The following CDH18 variants were observed in gnomAD, a reference collection of about 807,000 sequenced individuals.
The protein encoded by CDH18 is cadherin 18.
Under a neutral mutation model 67.9 loss-of-function variants are expected in CDH18, and 31 were observed. That is an observed-to-expected ratio of 0.46 (90% CI 0.34 to 0.62). The LOEUF (loss-of-function observed/expected upper bound fraction) is 0.62, where lower values mean the gene tolerates loss of function less well. Among genes scored for constraint, CDH18 ranks in the 20% least tolerant of loss-of-function variants. The pLI, the probability that CDH18 is intolerant of heterozygous loss-of-function variation, is 0.01. For missense variants in CDH18, 890 were observed against 975.5 expected, an observed-to-expected ratio of 0.91 and a Z score of 1.17; for synonymous variants, 362 against 347.2, an observed-to-expected ratio of 1.04 and a Z score of -0.48.
chr5:19,798,398 TA>T, intron 3 of CDH18, among the ~76,000 whole-genome samples: 1 of 152,034 alleles, frequency 6.6e-6, no homozygotes, highest in East Asian at 1.9e-4. Flanking sequence ...AAATCTTCAT[TA>T]AAAAATTATG....
chr5:19,605,028 C>T (rs1747800237), intron 6 of CDH18, among the ~76,000 whole-genome samples: 1 of 151,802 alleles, frequency 6.6e-6, no homozygotes. Context: ...CTATAAGAAT[C>T]AAATTATTTC....
At chr5:19,800,975 C>T (rs1357526904) in intron 3 of CDH18, among the ~76,000 whole-genome samples, 4 of 151,892 alleles carry the variant, frequency 2.6e-5, no homozygotes, top group Admixed American at 6.6e-5. Context: ...AAAAATTAGC[C>T]GGTGTGGCAG....
chr5:19,872,681 T>G (rs1786457648), intron 2 of CDH18, among the ~76,000 whole-genome samples: 1 of 152,226 alleles, frequency 6.6e-6, no homozygotes, highest in African/African-American at 2.4e-5. Flanking sequence ...CCTTGTGAGA[T>G]CCTGAGCAGA....
intron 2 of CDH18, among the ~76,000 whole-genome samples, chr5:20,085,909 A>T (rs937115935): frequency 6.6e-6 from 1 of 152,200 alleles, no homozygotes; most frequent in South Asian, 2.1e-4. Context: ...GCCTCTTAGC[A>T]TTCAAATAAA....
intron 2 of CDH18, among the ~76,000 whole-genome samples, chr5:20,024,357 A>T (rs1397870854): frequency 6.6e-6 from 1 of 152,170 alleles, no homozygotes; most frequent in Admixed American, 6.5e-5. Flanking sequence ...TAAAATAAAT[A>T]ATAGACAAAG....
intron 6 of CDH18, among the ~76,000 whole-genome samples, chr5:19,601,855 T>G (rs1747187653): frequency 6.6e-6 from 1 of 152,004 alleles, no homozygotes; most frequent in East Asian, 1.9e-4. Flanking sequence ...AATCACAAGG[T>G]CATGTCAATT....
chr5:20,449,450 A>G (rs1012953164), intron 1 of CDH18, among the ~76,000 whole-genome samples: 1 of 152,094 alleles, frequency 6.6e-6, no homozygotes, highest in Non-Finnish European at 1.5e-5. Flanking sequence ...ATGATGTATA[A>G]ATTTAATAAA....
chr5:20,044,484 A>C (rs1355754948), intron 2 of CDH18, among the ~76,000 whole-genome samples: 1 of 152,166 alleles, frequency 6.6e-6, no homozygotes, highest in African/African-American at 2.4e-5. Flanking sequence ...CAGTTCTACT[A>C]TGCTAATTTT....
At chr5:20,520,723 G>A (rs1755695395) in intron 1 of CDH18, among the ~76,000 whole-genome samples, 1 of 152,192 alleles carries the variant, frequency 6.6e-6, no homozygotes, top group Non-Finnish European at 1.5e-5. Context: ...AGATCATAAA[G>A]TAGCAGTTTA....
intron 5 of CDH18, among the ~76,000 whole-genome samples, chr5:19,703,391 A>G (rs1045187887): frequency 6.6e-6 from 1 of 152,108 alleles, no homozygotes; most frequent in African/African-American, 2.4e-5. Flanking sequence ...ACCTTTTCAC[A>G]ATGATGATGA....
intron 2 of CDH18, chr5:19,885,969 C>T (rs2150069660): frequency 6.6e-6 from 1 of 152,162 alleles, no homozygotes; most frequent in South Asian, 2.1e-4. Context: ...TGTGTGAGAC[C>T]AAAAAGTTTG....
At chr5:20,338,109 A>G (rs1223850217) in intron 1 of CDH18, among the ~76,000 whole-genome samples, 1 of 152,190 alleles carries the variant, frequency 6.6e-6, no homozygotes, top group Non-Finnish European at 1.5e-5. Context: ...TCCCTCCAAC[A>G]ATAGGTGGGA....
chr5:19,694,830 C>A (rs111919265), intron 5 of CDH18, among the ~76,000 whole-genome samples: 6 of 149,834 alleles, frequency 4.0e-5, no homozygotes, highest in South Asian at 2.1e-4. Context: ...GCTGAGACTG[C>A]GCCACTGTAC....
At chr5:19,824,443 A>G (rs1156330208) in intron 3 of CDH18, among the ~76,000 whole-genome samples, 1 of 152,160 alleles carries the variant, frequency 6.6e-6, no homozygotes, top group African/African-American at 2.4e-5. Flanking sequence ...TCTCCACAGG[A>G]ACTTGTGCAA....
intron 3 of CDH18, among the ~76,000 whole-genome samples, chr5:19,799,253 G>A (rs1777174310): frequency 6.6e-6 from 1 of 152,070 alleles, no homozygotes; most frequent in African/African-American, 2.4e-5. Flanking sequence ...TGGGGGAAGG[G>A]AGAAATGTGA....
intron 1 of CDH18, among the ~76,000 whole-genome samples, chr5:20,283,562 C>T (rs1016666867): frequency 6.6e-6 from 1 of 151,846 alleles, no homozygotes; most frequent in African/African-American, 2.4e-5. Context: ...TATCATTTGA[C>T]CCTGTTTAAA....
At chr5:20,403,391 G>T (rs571329880) in intron 1 of CDH18, among the ~76,000 whole-genome samples, 5 of 152,082 alleles carry the variant, frequency 3.3e-5, no homozygotes, top group African/African-American at 1.2e-4. Context: ...CAGATCGTGA[G>T]CACAGTATCT....
intron 3 of CDH18, among the ~76,000 whole-genome samples, chr5:19,812,496 A>G (rs1778837168): frequency 6.6e-6 from 1 of 152,190 alleles, no homozygotes; most frequent in Non-Finnish European, 1.5e-5. Flanking sequence ...TAATAAATAC[A>G]TGCAAAAAAT....
intron 3 of CDH18, among the ~76,000 whole-genome samples, chr5:19,783,770 TACTA>T (rs1236468931): frequency 2.0e-5 from 3 of 152,182 alleles, no homozygotes; most frequent in Non-Finnish European, 2.9e-5. Context: ...TGACATTGAG[TACTA>T]ACTATTAATT....
Sources: gnomAD v4.1 joint callset for allele counts (sites outside exome capture counted in the v4.1 genomes callset) on GRCh38, gnomAD v4.1.1 for gene constraint, MANE v1.5 for transcripts, NCBI Gene and HGNC (gene_info 2026-07-23, HGNC 2026-07-21) for gene names.